C3orf52: variants seen among roughly 807,000 people sequenced by gnomAD.
The protein encoded by C3orf52 is TPA-induced transmembrane protein.
Under a neutral mutation model 24.8 loss-of-function variants are expected in C3orf52, and 22 were observed. The ratio of observed to expected loss-of-function variants is 0.89; its 90% confidence interval spans 0.63 to 1.27. The LOEUF is 1.27. Among genes scored for constraint, C3orf52 ranks in the 50% most tolerant of loss-of-function variants. The pLI is 0.00. For missense variants in C3orf52, 265 were observed against 260.7 expected, an observed-to-expected ratio of 1.02 and a Z score of -0.11; for synonymous variants, 93 against 100.2, an observed-to-expected ratio of 0.93 and a Z score of 0.43.
Position 112,117,137 on chromosome 3 carries a change from G to A in C3orf52, c.*491G>A. 1.8e-6 allele frequency: 1 copy of A among 564,522 alleles called. No individual in the cohort carries two copies. Among genetic ancestry groups the A allele is most frequent in the South Asian group, 2.6e-5 (1 of 38,548 alleles). The allele number at this position is 564,522 out of a possible 1,614,324, so 35.0% of individuals were successfully genotyped here. On this transcript the variant is annotated 3_prime_UTR_variant, in exon 6 of 6. Coordinates refer to ENST00000264848, the MANE Select transcript of C3orf52 (RefSeq NM_024616.3). ...AGCATGAGCTGGTAGAGCACGGAGA[G>A]GCAGGCAGCCAGGTTACGAAGACTA...
At chr3:112,126,187 C>T (rs970053561) in intron 4 of C3orf52, among the ~76,000 whole-genome samples, 2 of 152,136 alleles carry the variant, frequency 1.3e-5, no homozygotes, top group Admixed American at 6.5e-5. Flanking sequence ...CTGGGACCCA[C>T]GACTCCTGGA....
chr3:112,116,299 G>A (rs943286941), intron 5 of C3orf52, among the ~76,000 whole-genome samples: 6 of 152,170 alleles, frequency 3.9e-5, no homozygotes, highest in Admixed American at 1.3e-4. Flanking sequence ...TATTTTACAC[G>A]TTTTAAAAAC....
At chr3:112,098,691 G>A (rs542167464) in intron 2 of C3orf52, among the ~76,000 whole-genome samples, 4 of 152,298 alleles carry the variant, frequency 2.6e-5, no homozygotes, top group East Asian at 1.9e-4. Flanking sequence ...AGTTCTGGAG[G>A]CTGGGAACTC....
Position 112,116,782 on chromosome 3 carries a change from C to T in C3orf52, c.*136C>T. The T allele has an allele frequency of 6.5e-7, 1 of 1,543,568 alleles. No individual in the cohort carries two copies. The highest frequency in any genetic ancestry group is 1.2e-5 in the South Asian group (1 of 84,060). On this transcript the variant is annotated 3_prime_UTR_variant, in exon 6 of 6. Coordinates refer to ENST00000264848, the MANE Select transcript of C3orf52 (RefSeq NM_024616.3). ...AGCAACACCAGAGGGGTGGAGACTC[C>T]TTTCTCTCCCGATTCTACAGTCTGG...
chr3:112,115,435 G>A (rs1490393263), intron 5 of C3orf52, among the ~76,000 whole-genome samples: 2 of 152,210 alleles, frequency 1.3e-5, no homozygotes, highest in Non-Finnish European at 2.9e-5. Flanking sequence ...TGTGGGCTTG[G>A]GGGATTACCA....
Position 112,116,736 on chromosome 3 carries a change from G to T in C3orf52, c.*90G>T. ...CACTCTGTTTTGCAGAAAAGATTCT[G>T]TGGATTAATACAGAAGCACCAGCAA... On this transcript the variant is annotated 3_prime_UTR_variant, in exon 6 of 6. Coordinates refer to ENST00000264848, the MANE Select transcript of C3orf52 (RefSeq NM_024616.3). 1 of 1,555,978 alleles carries T rather than the reference G, an allele frequency of 6.4e-7. No homozygotes were observed. The highest frequency in any genetic ancestry group is 8.7e-7 in the Non-Finnish European group (1 of 1,149,312).
chr3:112,109,664 C>A, intron 4 of C3orf52, 51 bp downstream of exon 4: 1 of 1,095,428 alleles, frequency 9.1e-7, no homozygotes, highest in Non-Finnish European at 1.4e-6. Context: ...AAAGAGATCC[C>A]CCCACCCCAC....
chr3:112,130,793 C>T (rs1172665635), downstream of C3orf52: 2 of 451,678 alleles, frequency 4.4e-6, no homozygotes, highest in Admixed American at 3.4e-5. Flanking sequence ...CAGGGATCCT[C>T]GTCATGACCC....
At chr3:112,108,224 C>T (rs969547250) in intron 3 of C3orf52, among the ~76,000 whole-genome samples, 5 of 152,042 alleles carry the variant, frequency 3.3e-5, no homozygotes, top group Non-Finnish European at 7.4e-5. Context: ...GATGAAAAGT[C>T]CCAAAGAGTT....
chr3:112,107,340 C>T (rs1169014581), intron 3 of C3orf52, among the ~76,000 whole-genome samples: 1 of 152,144 alleles, frequency 6.6e-6, no homozygotes, highest in African/African-American at 2.4e-5. Flanking sequence ...AAAGATTCTC[C>T]TCTGCAGCAT....
At chr3:112,133,074 C>G (rs762088663), downstream of C3orf52, 14 of 1,612,896 alleles carry the variant, frequency 8.7e-6, no homozygotes, top group East Asian at 3.1e-4. Flanking sequence ...TGCTCTCCCA[C>G]AGGGAGTCTA....
chr3:112,088,035 G>A (rs1463148354), intron 1 of C3orf52, among the ~76,000 whole-genome samples: 1 of 152,190 alleles, frequency 6.6e-6, no homozygotes, highest in Non-Finnish European at 1.5e-5. Context: ...TAATTGTTTA[G>A]CACCTACCCT....
downstream of C3orf52, among the ~76,000 whole-genome samples, chr3:112,119,789 C>G (rs757994327): frequency 6.6e-6 from 1 of 152,234 alleles, no homozygotes; most frequent in Non-Finnish European, 1.5e-5. Flanking sequence ...TGAATCTTTC[C>G]TTTGTGACTA....
In C3orf52 at chr3:112,117,333, C is replaced by T. The variant is rs868269425; in HGVS notation, c.*687C>T. 16 of 239,410 alleles carry T rather than the reference C, an allele frequency of 6.7e-5. No homozygotes were observed. Among genetic ancestry groups the T allele is most frequent in the African/African-American group, 3.3e-4 (15 of 44,798 alleles). The allele number at this position is 239,410 out of a possible 1,614,324, so 14.8% of individuals were successfully genotyped here. A position where few individuals can be genotyped will look rare whatever the true frequency, so the allele number is the denominator to read the frequency against. ...TCTTAGCCAGCCAGCCTTAGGAACA[C>T]CACCAAGGTTACTTTGAAATCTATG... On this transcript the variant is annotated 3_prime_UTR_variant, in exon 6 of 6. Transcript: ENST00000264848.
intron 1 of C3orf52, among the ~76,000 whole-genome samples, chr3:112,092,460 G>C (rs978558799): frequency 1.3e-5 from 2 of 152,172 alleles, no homozygotes; most frequent in Non-Finnish European, 2.9e-5. Flanking sequence ...ATAGGGTAAG[G>C]TGGGGGCCCC....
At chr3:112,114,130 C>T (rs528171617) in intron 5 of C3orf52, among the ~76,000 whole-genome samples, 1 of 152,136 alleles carries the variant, frequency 6.6e-6, no homozygotes, top group Non-Finnish European at 1.5e-5. Context: ...GGGTTAAAAG[C>T]ACAAGTGTTA....
At chr3:112,121,709 G>A (rs114489392), downstream of C3orf52, 1 of 152,218 alleles carries the variant, frequency 6.6e-6, no homozygotes, top group Non-Finnish European at 1.5e-5. Context: ...CAGAGGAAGA[G>A]ATACCAAGAT....
downstream of C3orf52, chr3:112,123,127 A>G: frequency 3.2e-6 from 1 of 314,574 alleles, no homozygotes; most frequent in Non-Finnish European, 5.9e-6. Flanking sequence ...TTATAAGAAG[A>G]TCCCAGACAG....
At chr3:112,124,679 C>T (rs533298679) in intron 4 of C3orf52, among the ~76,000 whole-genome samples, 4 of 152,162 alleles carry the variant, frequency 2.6e-5, no homozygotes, top group African/African-American at 9.6e-5. Flanking sequence ...TATTTAATTA[C>T]CCTCTAGAGA....
Sources: gnomAD v4.1 joint callset for allele counts (sites outside exome capture counted in the v4.1 genomes callset) on GRCh38, gnomAD v4.1.1 for gene constraint, MANE v1.5 for transcripts, NCBI Gene and HGNC (gene_info 2026-07-23, HGNC 2026-07-21) for gene names.